TENM4: variants seen among roughly 807,000 people sequenced by gnomAD.
TENM4 encodes the protein teneurin-4.
TENM4 carries 82 observed loss-of-function variants against 243.3 expected under a neutral mutation model. The ratio of observed to expected loss-of-function variants is 0.34; its 90% CI spans 0.28 to 0.40. TENM4 has a LOEUF of 0.40. Among genes scored for constraint, TENM4 ranks in the 10% least tolerant of loss-of-function variants. The pLI, the probability that TENM4 is intolerant of heterozygous loss-of-function variation, is 1.00. For missense variants in TENM4, 3,138 were observed against 3,673.3 expected, an observed-to-expected ratio of 0.85 and a Z score of 3.77; for synonymous variants, 1,412 against 1,456.3, an observed-to-expected ratio of 0.97 and a Z score of 0.69.
chr11:78,926,682 T>G (rs1301664026), intron 6 of TENM4, among the ~76,000 whole-genome samples: 3 of 141,810 alleles, frequency 2.1e-5, no homozygotes, highest in Non-Finnish European at 4.8e-5. Flanking sequence ...TTTTTGTTTT[T>G]TTTTTTTTCT....
intron 6 of TENM4, among the ~76,000 whole-genome samples, chr11:78,934,474 A>G (rs998288276): frequency 9.9e-5 from 15 of 152,218 alleles, no homozygotes; most frequent in Non-Finnish European, 1.9e-4. Flanking sequence ...TCTAGGCCTT[A>G]GTTTCTTTAT....
intron 6 of TENM4, among the ~76,000 whole-genome samples, chr11:78,940,803 A>G (rs1856875579): frequency 6.6e-6 from 1 of 152,202 alleles, no homozygotes; most frequent in Non-Finnish European, 1.5e-5. Flanking sequence ...TTGTGTTTCC[A>G]GGGCACAGGT....
At chr11:79,352,235 G>A (rs1254632853) in intron 1 of TENM4, among the ~76,000 whole-genome samples, 1 of 152,204 alleles carries the variant, frequency 6.6e-6, no homozygotes, top group Non-Finnish European at 1.5e-5. Context: ...GGAGCAGAGA[G>A]CACTGAGGGC....
At position 79,178,709 on chromosome 11, in the gene TENM4, G is replaced by A. The variant is rs545952025; in HGVS notation, c.-162-29903C>T. ...GAAAGGTTGACTGGAGTTCCTCAAG[G>A]GCAGAGGCCACCTCTCATTCACTTC... On this transcript the variant is annotated intron_variant, in intron 3 of 33. Coordinates refer to ENST00000278550, the MANE Select transcript of TENM4 (RefSeq NM_001098816.3). Among the ~76,000 whole-genome samples the A allele has an allele frequency of 5.9e-5, 9 of 152,256 alleles. No individual in the cohort carries two copies. In the South Asian group the frequency reaches 1.9e-3, roughly 32 times the overall value.
intron 1 of TENM4, among the ~76,000 whole-genome samples, chr11:79,327,486 T>C (rs145918077): frequency 1.3e-5 from 2 of 152,322 alleles, no homozygotes; most frequent in African/African-American, 4.8e-5. Context: ...TATTAGCTCA[T>C]TGAATTTAAG....
At chr11:78,721,040 C>G (rs1273847739) in intron 24 of TENM4, among the ~76,000 whole-genome samples, 1 of 152,154 alleles carries the variant, frequency 6.6e-6, no homozygotes, top group African/African-American at 2.4e-5. Context: ...AATGGGGTCT[C>G]TTATTGGAAA....
intron 4 of TENM4, among the ~76,000 whole-genome samples, chr11:79,117,681 A>G (rs1861651230): frequency 6.6e-6 from 1 of 152,208 alleles, no homozygotes; most frequent in African/African-American, 2.4e-5. Context: ...GTCCACAACC[A>G]TCTGTAGGCA....
intron 4 of TENM4, among the ~76,000 whole-genome samples, chr11:79,127,303 G>A (rs1401376892): frequency 2.0e-5 from 3 of 152,168 alleles, no homozygotes; most frequent in Non-Finnish European, 4.4e-5. Flanking sequence ...AAAGATGCAG[G>A]GGTGGTGATT....
chr11:79,394,068 A>G (rs1172252068), intron 1 of TENM4, among the ~76,000 whole-genome samples: 4 of 152,196 alleles, frequency 2.6e-5, no homozygotes, highest in African/African-American at 9.7e-5. Context: ...GGAATGAGGT[A>G]CAGTGAATTC....
intron 6 of TENM4, among the ~76,000 whole-genome samples, chr11:78,974,795 C>G (rs1857615116): frequency 6.6e-6 from 1 of 150,600 alleles, no homozygotes; most frequent in Non-Finnish European, 1.5e-5. Flanking sequence ...CAAGTGATTC[C>G]TGTGCCTCAG....
At chr11:79,121,331 A>G (rs1282984794) in intron 4 of TENM4, among the ~76,000 whole-genome samples, 1 of 152,172 alleles carries the variant, frequency 6.6e-6, no homozygotes, top group Non-Finnish European at 1.5e-5. Context: ...AAGAGAGACC[A>G]GAAAGTTCAA....
intron 6 of TENM4, among the ~76,000 whole-genome samples, chr11:78,947,549 G>C (rs1857025420): frequency 1.3e-5 from 2 of 152,186 alleles, no homozygotes; most frequent in Admixed American, 6.5e-5. Flanking sequence ...TCTGGAGGAG[G>C]TTTTCATGTT....
At chr11:79,227,882 G>A (rs185762570) in intron 2 of TENM4, among the ~76,000 whole-genome samples, 1 of 152,194 alleles carries the variant, frequency 6.6e-6, no homozygotes, top group Non-Finnish European at 1.5e-5. Flanking sequence ...GTGAAACACT[G>A]ACATCTTAAT....
intron 6 of TENM4, among the ~76,000 whole-genome samples, chr11:79,006,471 C>A (rs1858488160): frequency 6.6e-6 from 1 of 152,158 alleles, no homozygotes; most frequent in Non-Finnish European, 1.5e-5. Flanking sequence ...GAGTTCAGAA[C>A]CTTGGTCAGG....
At chr11:79,361,464 T>G (rs2135493625) in intron 1 of TENM4, among the ~76,000 whole-genome samples, 1 of 152,364 alleles carries the variant, frequency 6.6e-6, no homozygotes, top group Admixed American at 6.5e-5. Context: ...TCCTAGGTTC[T>G]AATACGTGTA....
intron 12 of TENM4, among the ~76,000 whole-genome samples, chr11:78,818,299 C>T (rs575602078): frequency 2.0e-5 from 3 of 152,120 alleles, no homozygotes; most frequent in South Asian, 2.1e-4. Context: ...TTCTGATTTC[C>T]GGAGTCTGCA....
At chr11:78,744,641 C>T (rs536497839) in intron 19 of TENM4, among the ~76,000 whole-genome samples, 1 of 152,322 alleles carries the variant, frequency 6.6e-6, no homozygotes, top group East Asian at 1.9e-4. Context: ...TAATTAGAGC[C>T]GGGTTCTGGA....
intron 1 of TENM4, among the ~76,000 whole-genome samples, chr11:79,302,753 A>T (rs576057448): frequency 1.3e-5 from 2 of 152,136 alleles, no homozygotes; most frequent in African/African-American, 4.8e-5. Context: ...GTATTTCCCC[A>T]CTTTCCTATA....
At chr11:79,379,673 C>T (rs1045087054) in intron 1 of TENM4, among the ~76,000 whole-genome samples, 4 of 152,134 alleles carry the variant, frequency 2.6e-5, no homozygotes, top group Admixed American at 1.3e-4. Flanking sequence ...AATTAAGGAC[C>T]AGAGAGGTTA....
Sources: gnomAD v4.1 joint callset for allele counts (sites outside exome capture counted in the v4.1 genomes callset) on GRCh38, gnomAD v4.1.1 for gene constraint, MANE v1.5 for transcripts, NCBI Gene and HGNC (gene_info 2026-07-23, HGNC 2026-07-21) for gene names.